The following BMPER variants were observed in gnomAD, a reference collection of about 807,000 sequenced individuals.
The protein encoded by BMPER is BMP binding endothelial regulator, also known as BMP-binding endothelial regulator protein.
BMPER carries 45 observed loss-of-function variants against 87.3 expected under a neutral mutation model. The ratio of observed to expected loss-of-function variants is 0.52; its 90% CI spans 0.41 to 0.66. The LOEUF is 0.66. Among genes scored for constraint, BMPER ranks in the 30% least tolerant of loss-of-function variants. BMPER has a pLI of 0.00. For missense variants in BMPER, 784 were observed against 867.5 expected, an observed-to-expected ratio of 0.90 and a Z score of 1.21; for synonymous variants, 326 against 316.2, an observed-to-expected ratio of 1.03 and a Z score of -0.33.
At position 33,920,683 on chromosome 7, in the gene BMPER, C is replaced by A. The variant is rs572288952; in HGVS notation, c.219+13780C>A. ...TTGTGATCTGTCCACCTTGGCCCCCCCAAAGTGCTGGGATTACAGGCGTGA... is the reference window on the plus strand; with the variant it reads ...TTGTGATCTGTCCACCTTGGCCCCCACAAAGTGCTGGGATTACAGGCGTGA... On this transcript the variant is annotated intron_variant, in intron 2 of 14. Transcript: ENST00000649409. Among the ~76,000 whole-genome samples, 18 of 152,082 alleles carry A rather than the reference C, an allele frequency of 1.2e-4. No homozygotes were observed. The East Asian group carries it at 1.4e-3, about 11-fold the overall frequency.
intron 13 of BMPER, among the ~76,000 whole-genome samples, chr7:34,107,729 A>T (rs1441657660): frequency 1.3e-5 from 2 of 152,038 alleles, no homozygotes; most frequent in African/African-American, 4.8e-5. Context: ...TCAGTTCCTT[A>T]TCTGGTAGAG....
intron 6 of BMPER, among the ~76,000 whole-genome samples, chr7:33,977,072 A>G (rs917199679): frequency 1.3e-5 from 2 of 152,224 alleles, no homozygotes; most frequent in Admixed American, 1.3e-4. Flanking sequence ...CAGCCTTTAG[A>G]TTAATAGAAT....
At position 34,019,011 on chromosome 7, in the gene BMPER, C is replaced by A. The variant is rs563785590; in HGVS notation, c.577-27295C>A. 5.9e-5 allele frequency among the ~76,000 whole-genome samples: 9 copies of A among 152,002 alleles called. No homozygotes were observed. In the South Asian group the frequency reaches 1.7e-3, roughly 28 times the overall value. On this transcript the variant is annotated intron_variant, in intron 6 of 14. Coordinates refer to ENST00000649409, the MANE Select transcript of BMPER (RefSeq NM_001365308.1). ...CTTCAGTGCTTGAGATGGGAAAAGG[C>A]AACTGCAAGTTTCCAAAGGACTGAT...
At chr7:34,088,196 T>G (rs902441781) in intron 13 of BMPER, among the ~76,000 whole-genome samples, 2 of 152,210 alleles carry the variant, frequency 1.3e-5, no homozygotes, top group Non-Finnish European at 2.9e-5. Flanking sequence ...TGTGCTCTCC[T>G]GATCAGTGTC....
chr7:33,918,811 C>T (rs144998545), intron 2 of BMPER, among the ~76,000 whole-genome samples: 78 of 152,234 alleles, frequency 5.1e-4, no homozygotes, highest in East Asian at 2.3e-3. Context: ...GTCAGCTAGC[C>T]GCAGCTCCAT....
intron 6 of BMPER, among the ~76,000 whole-genome samples, chr7:34,036,592 A>C (rs114066491): frequency 0.017 from 2,647 of 152,018 alleles, 87 homozygotes; most frequent in African/African-American, 0.06. Context: ...GCTTCCACAC[A>C]CCACACAATC....
At chr7:34,013,849 G>C (rs561192390) in intron 6 of BMPER, among the ~76,000 whole-genome samples, 9 of 152,040 alleles carry the variant, frequency 5.9e-5, no homozygotes, top group African/African-American at 2.2e-4. Context: ...CCTACAGACA[G>C]ACTGAAACTG....
At chr7:34,054,971 G>A (rs1585782349) in intron 8 of BMPER, among the ~76,000 whole-genome samples, 192 bp from the exon 9 acceptor site, 2 of 152,142 alleles carry the variant, frequency 1.3e-5, no homozygotes, top group Admixed American at 1.3e-4. Flanking sequence ...ACAGTGCCCT[G>A]ATATTCTAGT....
intron 2 of BMPER, among the ~76,000 whole-genome samples, chr7:33,935,214 G>A (rs1412570571): frequency 1.3e-5 from 2 of 152,112 alleles, no homozygotes; most frequent in Non-Finnish European, 2.9e-5. Flanking sequence ...AAGGAGTTCT[G>A]GGGAGCGTGG....
chr7:34,133,377 C>T (rs560088011), intron 13 of BMPER, among the ~76,000 whole-genome samples: 92 of 152,122 alleles, frequency 6.0e-4, no homozygotes, highest in Non-Finnish European at 1.1e-3. Context: ...GCTAAACACA[C>T]AGGGGTTCTG....
At chr7:33,988,626 TA>T (rs908006456) in intron 6 of BMPER, among the ~76,000 whole-genome samples, 52 of 152,208 alleles carry the variant, frequency 3.4e-4, no homozygotes, top group Middle Eastern at 3.4e-3. Flanking sequence ...ATTATTTTTT[TA>T]ATTATACTTT....
At chr7:33,949,739 A>ATT (rs1472758834) in intron 3 of BMPER, among the ~76,000 whole-genome samples, 3 of 152,180 alleles carry the variant, frequency 2.0e-5, no homozygotes, top group Admixed American at 6.5e-5. Context: ...GGCCTCAGAA[A>ATT]TTTGAGTGGA....
intron 13 of BMPER, among the ~76,000 whole-genome samples, chr7:34,097,370 TAC>T (rs963828318): frequency 1.3e-5 from 2 of 152,146 alleles, no homozygotes; most frequent in South Asian, 2.1e-4. Flanking sequence ...GCCAAATTAT[TAC>T]AGTTTCATGC....
chr7:34,143,414 T>A (rs894788812), intron 14 of BMPER, 54 bp downstream of exon 14: 1 of 1,609,664 alleles, frequency 6.2e-7, no homozygotes, highest in African/African-American at 1.3e-5. Context: ...ATGCCCAAGA[T>A]GGCAATGGAG....
intron 3 of BMPER, among the ~76,000 whole-genome samples, chr7:33,938,141 G>A (rs1412226239): frequency 6.6e-6 from 1 of 152,056 alleles, no homozygotes; most frequent in Non-Finnish European, 1.5e-5. Flanking sequence ...CATGTAGATC[G>A]TCAACTCCCT....
intron 13 of BMPER, among the ~76,000 whole-genome samples, chr7:34,092,640 C>T (rs962542624): frequency 9.2e-5 from 14 of 152,174 alleles, no homozygotes; most frequent in African/African-American, 3.1e-4. Context: ...TCGTTCTTCT[C>T]CACCTCACCC....
At chr7:34,022,649 A>T (rs183807454) in intron 6 of BMPER, among the ~76,000 whole-genome samples, 422 of 145,558 alleles carry the variant, frequency 2.9e-3, no homozygotes, top group African/African-American at 0.01. Flanking sequence ...GTTAATTTAG[A>T]TTTGGCTTCA....
chr7:33,919,079 CTG>C (rs760762518), intron 2 of BMPER, among the ~76,000 whole-genome samples: 112 of 152,114 alleles, frequency 7.4e-4, no homozygotes, highest in Admixed American at 1.3e-3. Flanking sequence ...TTGTTAAAAA[CTG>C]TGAATTTTTT....
chr7:34,060,632 A>G (rs1226124150), intron 10 of BMPER, among the ~76,000 whole-genome samples: 2 of 152,214 alleles, frequency 1.3e-5, no homozygotes, highest in Non-Finnish European at 2.9e-5. Flanking sequence ...AGAATCCTTT[A>G]AGTCAATCTG....
Sources: gnomAD v4.1 joint callset for allele counts (sites outside exome capture counted in the v4.1 genomes callset) on GRCh38, gnomAD v4.1.1 for gene constraint, MANE v1.5 for transcripts, NCBI Gene and HGNC (gene_info 2026-07-23, HGNC 2026-07-21) for gene names.